Variants in HSPA12A observed in about 807,000 individuals in gnomAD.
HSPA12A encodes heat shock 70 kDa protein 12A.
HSPA12A carries 28 observed loss-of-function variants against 69.2 expected under a neutral mutation model. The ratio of observed to expected loss-of-function variants is 0.40; its 90% confidence interval spans 0.30 to 0.55. The LOEUF (loss-of-function observed/expected upper bound fraction) is 0.55, where lower values mean the gene tolerates loss of function less well. Among genes scored for constraint, HSPA12A ranks in the 20% least tolerant of loss-of-function variants. The probability of loss-of-function intolerance (pLI) is 0.38; values close to 1 mark genes in which losing one functional copy is unlikely to be tolerated. For synonymous variants in HSPA12A, 345 were observed against 370.5 expected (o/e 0.93, Z 0.79); for missense variants, 686 against 900.7 (o/e 0.76, Z 3.05).
chr10:116,843,453 A>C (rs1218918243), intron 1 of HSPA12A, among the ~76,000 whole-genome samples: 3 of 152,242 alleles, frequency 2.0e-5, no homozygotes, highest in African/African-American at 7.2e-5. Flanking sequence ...TAGCCACAGC[A>C]GAAGGAATCT....
At chr10:116,843,806 G>A (rs113276537) in intron 1 of HSPA12A, among the ~76,000 whole-genome samples, 3,162 of 152,210 alleles carry the variant, frequency 0.021, 113 homozygotes, top group African/African-American at 0.073. Flanking sequence ...CCATTTAATC[G>A]GTCTGGGATA....
At chr10:116,679,794 T>C (rs782754614) in intron 9 of HSPA12A, 33 bp from the exon 10 acceptor site, 1 of 1,603,414 alleles carries the variant, frequency 6.2e-7, no homozygotes. Flanking sequence ...GGCCATGGTG[T>C]TAAAAACCAT....
At chr10:116,824,589 G>A (rs1296639608) in intron 2 of HSPA12A, among the ~76,000 whole-genome samples, 1 of 152,204 alleles carries the variant, frequency 6.6e-6, no homozygotes, top group East Asian at 1.9e-4. Flanking sequence ...AGGACTGGTT[G>A]GGCTCAGTGG....
intron 1 of HSPA12A, among the ~76,000 whole-genome samples, chr10:116,722,452 C>T (rs1418454568): frequency 6.6e-6 from 1 of 152,158 alleles, no homozygotes; most frequent in Non-Finnish European, 1.5e-5. Context: ...CTGGGAGGGT[C>T]CTGAATGGCA....
intron 1 of HSPA12A, among the ~76,000 whole-genome samples, chr10:116,722,785 G>A (rs1434902644): frequency 6.6e-6 from 1 of 152,152 alleles, no homozygotes; most frequent in Non-Finnish European, 1.5e-5. Context: ...TAAAAACACT[G>A]TAATTAAAAG....
rs1554877318 is a variant in HSPA12A at position 116,674,881 on chromosome 10, T to A, written c.1928A>T (p.Gln643Leu). Residue 643 changes from glutamine to leucine, a missense_variant, in exon 12 of 12, where the codon CAG (glutamine) becomes CTG (leucine). Physicochemically the swap from Gln to Leu is moderately radical, Grantham distance 113. Transcript: ENST00000369209. Reference sequence around the variant, plus strand: ...GGTGTCCCCGAACTGCATAAGGGTCTGGATCTCCCTCCGGGCGGGCACCGC... The same window carrying A: ...GGTGTCCCCGAACTGCATAAGGGTCAGGATCTCCCTCCGGGCGGGCACCGC... ...GTAVPARREI[Q>L]TLMQFGDTEI... 6.2e-7 allele frequency: 1 copy of A among 1,613,964 alleles called. No homozygotes were observed. The highest frequency in any genetic ancestry group is 8.5e-7 in the Non-Finnish European group (1 of 1,180,052).
intron 2 of HSPA12A, among the ~76,000 whole-genome samples, chr10:116,825,387 T>G (rs1241004893): frequency 6.6e-6 from 1 of 151,896 alleles, no homozygotes; most frequent in Non-Finnish European, 1.5e-5. Context: ...GGCTCGTGCC[T>G]GTAGTCTCAG....
intron 2 of HSPA12A, among the ~76,000 whole-genome samples, chr10:116,821,835 CCA>C (rs1845413169): frequency 6.6e-6 from 1 of 152,164 alleles, no homozygotes; most frequent in African/African-American, 2.4e-5. Flanking sequence ...ATGGGAGCTC[CCA>C]CAGTGTAGGG....
chr10:116,804,339 T>C (rs1236174255), intron 2 of HSPA12A, among the ~76,000 whole-genome samples: 2 of 152,240 alleles, frequency 1.3e-5, no homozygotes, highest in African/African-American at 4.8e-5. Context: ...CGCCGTGAAG[T>C]TGTAACAGCG....
At chr10:116,682,923 T>C (rs1260395193) in intron 7 of HSPA12A, among the ~76,000 whole-genome samples, 3 of 149,242 alleles carry the variant, frequency 2.0e-5, no homozygotes, top group South Asian at 4.3e-4. Context: ...CACCGTGGTC[T>C]GGATTTCCTG....
chr10:116,795,358 T>A (rs1201174086), intron 2 of HSPA12A, among the ~76,000 whole-genome samples: 2 of 152,180 alleles, frequency 1.3e-5, no homozygotes, highest in Admixed American at 6.5e-5. Context: ...ACATTTATAG[T>A]AGTAAAATAA....
At chr10:116,748,569 C>T (rs1554888014) in intron 2 of HSPA12A, among the ~76,000 whole-genome samples, 1 of 152,186 alleles carries the variant, frequency 6.6e-6, no homozygotes, top group Non-Finnish European at 1.5e-5. Context: ...CTGACAAAGA[C>T]ATGCCTGAGA....
upstream of HSPA12A, among the ~76,000 whole-genome samples, chr10:116,745,249 T>A (rs1461026291): frequency 6.6e-6 from 1 of 152,232 alleles, no homozygotes; most frequent in Non-Finnish European, 1.5e-5. Flanking sequence ...TCCTTGATGC[T>A]TGACTGGCTG....
At position 116,742,496 on chromosome 10, in the gene HSPA12A, G is replaced by A. The variant is rs1851546054; in HGVS notation, c.-27C>T. ...GTCGCGCAGCCCCGGACCGCGAGGG[G>A]AGCCTCCAGCGCAGCGCCCGTGCCC... On this transcript the variant is annotated 5_prime_UTR_variant, in exon 1 of 12. Transcript: ENST00000369209. 1.5e-6 allele frequency: 2 copies of A among 1,324,316 alleles called. No homozygotes were observed. Among genetic ancestry groups the A allele is most frequent in the South Asian group, 1.8e-5 (1 of 56,302 alleles). The allele number at this position is 1,324,316 out of a possible 1,614,324, so 82.0% of individuals were successfully genotyped here.
At chr10:116,692,189 G>A (rs1849755487) in intron 6 of HSPA12A, among the ~76,000 whole-genome samples, 162 bp downstream of exon 6, 2 of 152,168 alleles carry the variant, frequency 1.3e-5, no homozygotes, top group African/African-American at 2.4e-5. Flanking sequence ...GGAAAGGGAT[G>A]GCTCCTTGTC....
intron 5 of HSPA12A, 21 bp downstream of exon 5, chr10:116,698,614 G>A (rs1554881183): frequency 6.3e-7 from 1 of 1,581,426 alleles, no homozygotes; most frequent in East Asian, 2.3e-5. Flanking sequence ...ACAGCTGGCT[G>A]GCCTCAACTA....
Position 116,737,744 on chromosome 10 carries a change from C to T in HSPA12A, c.40+4686G>A, listed in dbSNP as rs537486762. 6.6e-5 allele frequency among the ~76,000 whole-genome samples: 10 copies of T among 152,320 alleles called. No individual in the cohort carries two copies. In the East Asian group the frequency reaches 1.7e-3, roughly 26 times the overall value. ...AGCTGCCAGCCCCGCAGGACATCTG[C>T]GGCTGCCAGGTCACGGTCAAGGCTG... On this transcript the variant is annotated intron_variant, in intron 1 of 11. Transcript: ENST00000369209.
Position 116,698,749 on chromosome 10 carries a change from G to A in HSPA12A, c.442-10C>T. 1 of 1,601,726 alleles carries A rather than the reference G, an allele frequency of 6.2e-7. No homozygotes were observed. The highest frequency in any genetic ancestry group is 1.3e-5 in the African/African-American group (1 of 74,822). ...TATCCATGGTGAGGTCCTGGTAGGA[G>A]GAAGAGGAACAATAGTAAGAAGATG... On this transcript the variant is annotated splice_polypyrimidine_tract_variant and intron_variant, in intron 4 of 11. Transcript: ENST00000369209.
chr10:116,849,753 T>C (rs762672470), upstream of HSPA12A: 14 of 1,478,972 alleles, frequency 9.5e-6, no homozygotes, highest in African/African-American at 1.7e-4. Context: ...GGACAAGCGC[T>C]CTCCTCCCGC....
Sources: allele counts gnomAD v4.1 joint callset (sites outside exome capture counted in the v4.1 genomes callset), GRCh38; gene constraint gnomAD v4.1.1; transcripts MANE v1.5; gene names NCBI Gene and HGNC (gene_info 2026-07-23, HGNC 2026-07-21).